Variants in LYPLAL1 observed in about 807,000 individuals in gnomAD.
The protein encoded by LYPLAL1 is lysophospholipase like 1, also known as lysophospholipase-like protein 1.
In LYPLAL1, 23 loss-of-function variants were observed where a neutral mutation model predicts 19.7. The observed-to-expected ratio is 1.17, with a 90% CI of 0.84 to 1.65. LYPLAL1 has a LOEUF of 1.65. Ranked by LOEUF, LYPLAL1 falls within the 40% of genes most tolerant of loss-of-function variation. The pLI, the probability that LYPLAL1 is intolerant of heterozygous loss-of-function variation, is 0.00. For missense variants in LYPLAL1, 355 were observed against 279.4 expected (o/e 1.27, Z -1.93); for synonymous variants, 119 against 96.3 (o/e 1.24, Z -1.38).
chr1:219,237,375 G>A, the LYPLAL1 span, among the ~76,000 whole-genome samples: 1 of 152,168 alleles, frequency 6.6e-6, no homozygotes, highest in Non-Finnish European at 1.5e-5. Flanking sequence ...TCTTAACAAA[G>A]ACTCAGACTC....
intron 2 of LYPLAL1, among the ~76,000 whole-genome samples, chr1:219,191,486 G>A (rs1657179249): frequency 6.6e-6 from 1 of 151,500 alleles, no homozygotes; most frequent in Non-Finnish European, 1.5e-5. Flanking sequence ...AAGGAAAAAA[G>A]CATGATGCAC....
chr1:219,260,455 A>G, the LYPLAL1 span, among the ~76,000 whole-genome samples: 1 of 151,812 alleles, frequency 6.6e-6, no homozygotes, highest in South Asian at 2.1e-4. Context: ...ACTTCAACAC[A>G]TCAAACAAAT....
At chr1:219,353,939 A>G in the LYPLAL1 span, among the ~76,000 whole-genome samples, 8 of 152,226 alleles carry the variant, frequency 5.3e-5, no homozygotes, top group African/African-American at 1.9e-4. Context: ...ATAAAAAAAA[A>G]TCTCTGGAAC....
the LYPLAL1 span, among the ~76,000 whole-genome samples, chr1:219,379,662 GA>G: frequency 7.2e-5 from 11 of 152,212 alleles, no homozygotes; most frequent in African/African-American, 2.6e-4. Context: ...CTATGTCTTA[GA>G]AAGAAAAAAT....
the LYPLAL1 span, among the ~76,000 whole-genome samples, chr1:219,364,620 G>C: frequency 6.6e-6 from 1 of 152,092 alleles, no homozygotes; most frequent in African/African-American, 2.4e-5. Flanking sequence ...TCCATAGTGT[G>C]GCAGGCACAG....
chr1:219,361,531 C>G, the LYPLAL1 span, among the ~76,000 whole-genome samples: 1 of 152,060 alleles, frequency 6.6e-6, no homozygotes, highest in African/African-American at 2.4e-5. Context: ...ATGTGCTTTA[C>G]CTTGCACTTT....
At chr1:219,218,568 T>G in the LYPLAL1 span, among the ~76,000 whole-genome samples, 2 of 151,696 alleles carry the variant, frequency 1.3e-5, no homozygotes, top group Admixed American at 6.6e-5. Flanking sequence ...CCCAAGACAA[T>G]CTTCTTCCAG....
chr1:219,269,326 G>GC, the LYPLAL1 span, among the ~76,000 whole-genome samples: 1 of 152,188 alleles, frequency 6.6e-6, no homozygotes, highest in Admixed American at 6.5e-5. Flanking sequence ...ATGCTTCAGA[G>GC]CAACAGCAAA....
At chr1:219,189,941 G>A (rs1391376253) in intron 2 of LYPLAL1, among the ~76,000 whole-genome samples, 1 of 151,576 alleles carries the variant, frequency 6.6e-6, no homozygotes, top group African/African-American at 2.4e-5. Flanking sequence ...CTAGAGTAAT[G>A]ATAGGAGAGG....
At chr1:219,424,245 T>G in the LYPLAL1 span, among the ~76,000 whole-genome samples, 1 of 152,096 alleles carries the variant, frequency 6.6e-6, no homozygotes, top group Non-Finnish European at 1.5e-5. Flanking sequence ...AACTATAAAC[T>G]TAGCATTGAC....
chr1:219,399,314 T>C, the LYPLAL1 span, among the ~76,000 whole-genome samples: 1 of 152,274 alleles, frequency 6.6e-6, no homozygotes, highest in East Asian at 1.9e-4. Flanking sequence ...GAGGGTCCAC[T>C]GTTCTCTGTA....
the LYPLAL1 span, among the ~76,000 whole-genome samples, chr1:219,354,533 CA>C: frequency 1.2e-4 from 18 of 152,006 alleles, no homozygotes; most frequent in African/African-American, 4.3e-4. Flanking sequence ...AGTCGCAGAT[CA>C]AAAAAGATCA....
intron 2 of LYPLAL1, among the ~76,000 whole-genome samples, chr1:219,191,747 CAT>C (rs1377762206): frequency 6.6e-6 from 1 of 151,318 alleles, no homozygotes; most frequent in Non-Finnish European, 1.5e-5. Context: ...TATATAATCT[CAT>C]ATTTAAAAAA....
chr1:219,364,317 C>T, the LYPLAL1 span, among the ~76,000 whole-genome samples: 1 of 152,080 alleles, frequency 6.6e-6, no homozygotes, highest in Non-Finnish European at 1.5e-5. Flanking sequence ...TGTTCTGTTA[C>T]TTGTAGTCAA....
chr1:219,385,685 AG>A, the LYPLAL1 span, among the ~76,000 whole-genome samples: 14 of 152,228 alleles, frequency 9.2e-5, no homozygotes, highest in East Asian at 2.7e-3. Context: ...TTTAAAAAGA[AG>A]GGGGAAAGGA....
the LYPLAL1 span, among the ~76,000 whole-genome samples, chr1:219,333,671 A>G: frequency 6.6e-6 from 1 of 152,206 alleles, no homozygotes; most frequent in South Asian, 2.1e-4. Flanking sequence ...AAAATTACAG[A>G]AAGAACAAGT....
the LYPLAL1 span, among the ~76,000 whole-genome samples, chr1:219,331,047 C>T: frequency 1.3e-5 from 2 of 152,182 alleles, no homozygotes; most frequent in East Asian, 3.9e-4. Flanking sequence ...TGATTCAACA[C>T]ATCTATTAAA....
At chr1:219,182,255 A>G (rs1656352333) in intron 2 of LYPLAL1, among the ~76,000 whole-genome samples, 1 of 152,082 alleles carries the variant, frequency 6.6e-6, no homozygotes, top group Admixed American at 6.6e-5. Flanking sequence ...ATGCTGTTTG[A>G]TAGTATTTTA....
the LYPLAL1 span, among the ~76,000 whole-genome samples, chr1:219,261,274 C>G: frequency 6.6e-6 from 1 of 152,140 alleles, no homozygotes; most frequent in Non-Finnish European, 1.5e-5. Flanking sequence ...ACTTTAAAAT[C>G]TAAATCTCTC....
Sources: allele counts gnomAD v4.1 joint callset (sites outside exome capture counted in the v4.1 genomes callset), GRCh38; gene constraint gnomAD v4.1.1; transcripts MANE v1.5; gene names NCBI Gene and HGNC (gene_info 2026-07-23, HGNC 2026-07-21).